KIAA1671: variants seen among roughly 807,000 people sequenced by gnomAD.
KIAA1671 encodes KIAA1671.
In KIAA1671, 52 loss-of-function variants were observed where a neutral mutation model predicts 131.2. The observed-to-expected ratio is 0.40, with a 90% CI of 0.32 to 0.50. The LOEUF (loss-of-function observed/expected upper bound fraction) is 0.50. Among genes scored for constraint, KIAA1671 ranks in the 20% least tolerant of loss-of-function variants. The pLI is 0.73. For synonymous variants in KIAA1671, 1,003 were observed against 961.6 expected (o/e 1.04, Z -0.80); for missense variants, 2,360 against 2,364.2 (o/e 1.00, Z 0.04).
At chr22:25,067,725 T>C (rs1928555403) in intron 6 of KIAA1671, among the ~76,000 whole-genome samples, 1 of 152,214 alleles carries the variant, frequency 6.6e-6, no homozygotes, top group African/African-American at 2.4e-5. Flanking sequence ...TTCTCTGTCC[T>C]GGGCTGATAG....
chr22:25,130,695 C>T (rs1413778004), intron 6 of KIAA1671, among the ~76,000 whole-genome samples: 1 of 152,196 alleles, frequency 6.6e-6, no homozygotes, highest in African/African-American at 2.4e-5. Context: ...GTGTCTGGGC[C>T]TCCACTCGGA....
At position 25,028,277 on chromosome 22, in the gene KIAA1671, C is replaced by T. The variant is rs895263959; in HGVS notation, c.278C>T (p.Pro93Leu). Residue 93 changes from proline to leucine, a missense_variant, in exon 3 of 13, where the codon CCC becomes CTC. By Grantham distance (98) the Pro-to-Leu change is moderately conservative. This residue lies in a region of KIAA1671 where 1,185 missense variants were observed against 1,126.2 expected (regional missense o/e 1.05). Transcript: ENST00000358431. Reference protein sequence around the residue: ...SLRPSSTGPSPSGGLSEEPAA... With the variant: ...SLRPSSTGPSLSGGLSEEPAA... ...CGGCCCAGTTCGACTGGACCTTCCC[C>T]CTCTGGGGGGCTCTCTGAGGAGCCA... The T allele has an allele frequency of 6.4e-7, 1 of 1,551,494 alleles. No homozygotes were observed. Among genetic ancestry groups the T allele is most frequent in the Non-Finnish European group, 8.7e-7 (1 of 1,147,000 alleles).
intron 6 of KIAA1671, among the ~76,000 whole-genome samples, chr22:25,076,479 A>G (rs1929114285): frequency 6.6e-6 from 1 of 152,156 alleles, no homozygotes; most frequent in Non-Finnish European, 1.5e-5. Context: ...TCCTTCTCAT[A>G]GCTGCACTTC....
intron 6 of KIAA1671, chr22:25,059,004 C>T (rs1269699443): frequency 6.6e-6 from 1 of 152,260 alleles, no homozygotes; most frequent in African/African-American, 2.4e-5. Flanking sequence ...ACAGCACCCC[C>T]ATTATCATGT....
intron 1 of KIAA1671, among the ~76,000 whole-genome samples, chr22:24,961,353 T>C (rs1049121922): frequency 6.6e-6 from 1 of 152,250 alleles, no homozygotes; most frequent in African/African-American, 2.4e-5. Context: ...TATTTGCCCA[T>C]GTACACACGA....
intron 11 of KIAA1671, among the ~76,000 whole-genome samples, chr22:25,188,036 C>A (rs554155505): frequency 6.6e-6 from 1 of 152,160 alleles, no homozygotes; most frequent in Non-Finnish European, 1.5e-5. Context: ...CATGGTGGCT[C>A]ACACCTGTAC....
chr22:25,167,502 TA>T (rs1933684800), intron 6 of KIAA1671, among the ~76,000 whole-genome samples: 1 of 152,200 alleles, frequency 6.6e-6, no homozygotes. Context: ...CTTCAGCCAG[TA>T]AAATGGTGAT....
At chr22:25,023,523 G>A (rs1334509593) in intron 1 of KIAA1671, 2 of 152,168 alleles carry the variant, frequency 1.3e-5, no homozygotes, top group African/African-American at 2.4e-5. Flanking sequence ...ACATTTAAAA[G>A]AAGACTTCAA....
intron 10 of KIAA1671, among the ~76,000 whole-genome samples, 177 bp from the exon 11 acceptor site, chr22:25,184,800 T>A (rs1016441855): frequency 2.0e-5 from 3 of 151,642 alleles, no homozygotes; most frequent in Non-Finnish European, 4.4e-5. Context: ...GGTGGCTGCT[T>A]GGAATGCCAG....
At chr22:25,049,462 C>G in intron 6 of KIAA1671, 98 bp downstream of exon 6, 1 of 1,384,228 alleles carries the variant, frequency 7.2e-7, no homozygotes, top group East Asian at 2.5e-5. Context: ...CAGCCCAGGG[C>G]CCTGACGGGG....
rs1384201430 is a variant in KIAA1671 at position 25,195,671 on chromosome 22, C to G, written c.*3270C>G. On this transcript the variant is annotated 3_prime_UTR_variant, in exon 13 of 13. Coordinates refer to ENST00000358431, the MANE Select transcript of KIAA1671 (RefSeq NM_001145206.2). The stretch of plus-strand genomic sequence containing the variant: ...TAGAAAGACCCTTAGCATGATTTTC[C>G]TAAAAGAGACCTTAGCTGCTCCAAC... 1.3e-5 allele frequency: 2 copies of G among 152,206 alleles called. No homozygotes were observed. The allele number at this position is 152,206 out of a possible 1,614,324, so 9.4% of individuals were successfully genotyped here.
intron 6 of KIAA1671, among the ~76,000 whole-genome samples, chr22:25,103,751 C>A (rs1031030869): frequency 7.2e-5 from 11 of 152,160 alleles, no homozygotes; most frequent in African/African-American, 2.4e-4. Context: ...CGCGGTCTCC[C>A]AAAGTGCTGG....
intron 10 of KIAA1671, among the ~76,000 whole-genome samples, chr22:25,183,823 T>C (rs1017225756): frequency 4.9e-5 from 7 of 143,922 alleles, no homozygotes; most frequent in Admixed American, 4.1e-4. Flanking sequence ...CATCTGGCCT[T>C]CCTCCCTCCC....
At chr22:25,141,533 A>AT (rs35815586) in intron 6 of KIAA1671, among the ~76,000 whole-genome samples, 1,595 of 152,054 alleles carry the variant, frequency 0.01, 107 homozygotes, top group Admixed American at 0.095. Flanking sequence ...CACCCTGCCC[A>AT]TTTTTTTCTT....
chr22:25,171,672 G>A (rs1933853356), intron 7 of KIAA1671, among the ~76,000 whole-genome samples: 1 of 151,730 alleles, frequency 6.6e-6, no homozygotes, highest in Non-Finnish European at 1.5e-5. Flanking sequence ...CCAAGATTGC[G>A]CCAATGCACT....
chr22:25,153,462 A>C (rs929223798), intron 6 of KIAA1671, among the ~76,000 whole-genome samples: 31 of 152,306 alleles, frequency 2.0e-4, no homozygotes, highest in African/African-American at 6.0e-4. Flanking sequence ...GGGAAACCCC[A>C]TCCTAGACCT....
intron 6 of KIAA1671, among the ~76,000 whole-genome samples, chr22:25,150,678 T>G (rs906444536): frequency 3.3e-5 from 5 of 152,004 alleles, no homozygotes; most frequent in Non-Finnish European, 5.9e-5. Context: ...CCAGGCAGAG[T>G]GAGCCGGTCT....
Position 25,039,210 on chromosome 22 carries a change from C to T in KIAA1671, c.2080C>T (p.Leu694=), listed in dbSNP as rs1294885304. 7 of 1,552,216 alleles carry T rather than the reference C, an allele frequency of 4.5e-6. No individual in the cohort carries two copies. The Admixed American group carries it at 5.9e-5, about 13-fold the overall frequency. ...ACCAACCACCCTTTTGAATGGTGAA[C>T]TGAGACCGTATCACACGCCTCTCCG... ...LGPTTLLNGE[L]RPYHTPLRDK... Residue 694 remains leucine (L), a synonymous_variant, in exon 5 of 13, where the codon CTG becomes TTG. Transcript: ENST00000358431.
At chr22:24,989,154 T>C (rs1923706250) in intron 1 of KIAA1671, among the ~76,000 whole-genome samples, 1 of 152,192 alleles carries the variant, frequency 6.6e-6, no homozygotes. Flanking sequence ...GTTCATTGTC[T>C]TCCTCTCACC....
Sources: gnomAD v4.1 joint callset for allele counts (sites outside exome capture counted in the v4.1 genomes callset) on GRCh38, gnomAD v4.1.1 for gene constraint, gnomAD v4.1.1 regional missense constraint, MANE v1.5 for transcripts, NCBI Gene and HGNC (gene_info 2026-07-23, HGNC 2026-07-21) for gene names.